Variants in ERG observed in about 807,000 individuals in gnomAD.
ERG encodes ETS transcription factor ERG, also known as transcriptional regulator ERG.
Under a neutral mutation model 55.3 loss-of-function variants are expected in ERG, and 9 were observed. That is an observed-to-expected ratio of 0.16 (90% CI 0.10 to 0.28). The LOEUF is 0.28. ERG is among the 10% of genes least tolerant of loss of function. The pLI, the probability that ERG is intolerant of heterozygous loss-of-function variation, is 1.00. For missense variants in ERG, 434 were observed against 631.6 expected, an observed-to-expected ratio of 0.69 and a Z score of 3.35; for synonymous variants, 223 against 237.3, an observed-to-expected ratio of 0.94 and a Z score of 0.55.
chr21:38,498,242 G>A lies in ERG; in HGVS notation c.18+121C>T, dbSNP rs994314818. On this transcript the variant is annotated intron_variant, in intron 1 of 9. Coordinates refer to ENST00000288319, the MANE Select transcript of ERG (RefSeq NM_182918.4). The surrounding 1 kb of genome is among the most constrained non-coding windows in gnomAD (Gnocchi z 4.6). ...TAGGCAGTGCAAAGGAAATCTTGTT[G>A]TCCTCTATTGTGGCAGTGGGGGTGT... The A allele has an allele frequency of 1.2e-6, 1 of 821,882 alleles. No homozygotes were observed. The highest frequency in any genetic ancestry group is 2.0e-6 in the Non-Finnish European group (1 of 489,198). 50.9% of individuals were successfully genotyped at this position (821,882 alleles called of 1,614,324 possible).
In ERG at chr21:38,382,577, C is replaced by T. The variant is rs1293484302; in HGVS notation, c.*826G>A. The T allele has an allele frequency of 9.4e-7, 1 of 1,065,976 alleles. No homozygotes were observed. The highest frequency in any genetic ancestry group is 1.1e-6 in the Non-Finnish European group (1 of 879,450). The allele number at this position is 1,065,976 out of a possible 1,614,324, so 66.0% of individuals were successfully genotyped here. A position where few individuals can be genotyped will look rare whatever the true frequency, so the allele number is the denominator to read the frequency against. ...TTTGGTATAACACTGACTGCATGAA[C>T]CCTCGAGTCTCCATAACTCATTGTA... On this transcript the variant is annotated 3_prime_UTR_variant, in exon 10 of 10. Coordinates refer to ENST00000288319, the MANE Select transcript of ERG (RefSeq NM_182918.4).
chr21:38,405,869 C>A (rs1275766198), intron 3 of ERG, among the ~76,000 whole-genome samples: 1 of 152,086 alleles, frequency 6.6e-6, no homozygotes, highest in Admixed American at 6.5e-5. Context: ...AATCAGTGCA[C>A]AGGCCAGGCG....
intron 1 of ERG, among the ~76,000 whole-genome samples, chr21:38,464,903 T>A (rs2059075063): frequency 6.6e-6 from 1 of 152,206 alleles, no homozygotes; most frequent in Non-Finnish European, 1.5e-5. Context: ...CTCATCCTTT[T>A]TTATGGCTGC....
intron 1 of ERG, among the ~76,000 whole-genome samples, chr21:38,489,134 C>G (rs1158798259): frequency 6.6e-6 from 1 of 152,198 alleles, no homozygotes. Flanking sequence ...TCTACAAACC[C>G]TTTATCCTCA....
intron 2 of ERG, among the ~76,000 whole-genome samples, chr21:38,517,993 G>T (rs2059564686): frequency 1.3e-5 from 2 of 152,180 alleles, no homozygotes. Context: ...TGGATAATGG[G>T]TACAAACATA....
At chr21:38,415,267 A>G (rs1989226694) in intron 3 of ERG, among the ~76,000 whole-genome samples, 1 of 152,214 alleles carries the variant, frequency 6.6e-6, no homozygotes, top group Admixed American at 6.5e-5. Context: ...ATGAGTACCT[A>G]CATCATAGGG....
At chr21:38,536,844 A>T (rs2146785535) in intron 2 of ERG, among the ~76,000 whole-genome samples, 1 of 152,342 alleles carries the variant, frequency 6.6e-6, no homozygotes, top group South Asian at 2.1e-4. Flanking sequence ...ACAGAAAAGA[A>T]CGTATCAATG....
chr21:38,564,415 T>G (rs1320682434), intron 2 of ERG, among the ~76,000 whole-genome samples: 1 of 152,010 alleles, frequency 6.6e-6, no homozygotes, highest in African/African-American at 2.4e-5. Context: ...ATCATAAAAA[T>G]TAATAGGTAG....
At chr21:38,378,360 A>G (rs1475076203), downstream of ERG, among the ~76,000 whole-genome samples, 1 of 152,202 alleles carries the variant, frequency 6.6e-6, no homozygotes, top group Non-Finnish European at 1.5e-5. Context: ...CTCCTGGACA[A>G]AGGCTGACCA....
chr21:38,593,220 G>A (rs951277244), intron 1 of ERG, among the ~76,000 whole-genome samples: 16 of 152,320 alleles, frequency 1.1e-4, no homozygotes, highest in South Asian at 1.0e-3. Context: ...CTGTAAAAAC[G>A]AGAGATCTGA....
chr21:38,509,376 A>G (rs919725484), intron 2 of ERG, among the ~76,000 whole-genome samples: 1 of 152,222 alleles, frequency 6.6e-6, no homozygotes, highest in Non-Finnish European at 1.5e-5. Context: ...AAAGAAGTGA[A>G]GCAGTATTCA....
intron 1 of ERG, chr21:38,450,928 C>A (rs144666819): frequency 6.6e-6 from 3 of 455,244 alleles, no homozygotes; most frequent in East Asian, 6.9e-5. Flanking sequence ...TCAGAAAGTG[C>A]GATTAGAGAA....
At chr21:38,475,104 G>A (rs2059175274) in intron 1 of ERG, among the ~76,000 whole-genome samples, 1 of 152,150 alleles carries the variant, frequency 6.6e-6, no homozygotes, top group Admixed American at 6.5e-5. Flanking sequence ...TGGTTCCAAA[G>A]CGCATGCCCA....
At chr21:38,528,146 CCTT>C (rs3838109) in intron 2 of ERG, among the ~76,000 whole-genome samples, 47,747 of 152,022 alleles carry the variant, frequency 0.31, 9,237 homozygotes, top group Non-Finnish European at 0.42. Context: ...GTTCACATGG[CCTT>C]CTCCTCATAT....
chr21:38,381,205 C>A lies in ERG; in HGVS notation c.*2198G>T. ...TCACATAATCATAGCAAAAGGACTGCAACGTGAAAAAAACAGGCCCTGAAA... is the reference window on the plus strand; with the variant it reads ...TCACATAATCATAGCAAAAGGACTGAAACGTGAAAAAAACAGGCCCTGAAA... On this transcript the variant is annotated 3_prime_UTR_variant, in exon 10 of 10. Coordinates refer to ENST00000288319, the MANE Select transcript of ERG (RefSeq NM_182918.4). 9.4e-7 allele frequency: 1 copy of A among 1,065,034 alleles called. No individual in the cohort carries two copies. Among genetic ancestry groups the A allele is most frequent in the Non-Finnish European group, 1.1e-6 (1 of 879,108 alleles). 66.0% of individuals were successfully genotyped at this position (1,065,034 alleles called of 1,614,324 possible). A position where few individuals can be genotyped will look rare whatever the true frequency, so the allele number is the denominator to read the frequency against.
At chr21:38,513,426 G>C (rs1243562242) in intron 2 of ERG, among the ~76,000 whole-genome samples, 1 of 152,184 alleles carries the variant, frequency 6.6e-6, no homozygotes, top group Non-Finnish European at 1.5e-5. Context: ...GAAACTAAAT[G>C]GGAGGTTATG....
intron 2 of ERG, among the ~76,000 whole-genome samples, chr21:38,545,461 T>A (rs1354852939): frequency 9.8e-5 from 15 of 152,336 alleles, no homozygotes; most frequent in African/African-American, 3.6e-4. Flanking sequence ...ACTGCCATGA[T>A]TTCCCAGCTT....
At chr21:38,558,062 G>A (rs1048772097) in intron 2 of ERG, among the ~76,000 whole-genome samples, 1 of 116,058 alleles carries the variant, frequency 8.6e-6, no homozygotes, top group East Asian at 3.1e-4. Context: ...TAAGTTTTGG[G>A]GGGGGGTCCT....
intron 2 of ERG, among the ~76,000 whole-genome samples, chr21:38,538,217 A>G (rs2059725887): frequency 1.3e-5 from 2 of 152,166 alleles, no homozygotes; most frequent in South Asian, 4.1e-4. Context: ...GTGTCAGTGT[A>G]AGAAAATGAA....
Sources: allele counts gnomAD v4.1 joint callset (sites outside exome capture counted in the v4.1 genomes callset), GRCh38; gene constraint gnomAD v4.1.1; non-coding constraint Gnocchi (gnomAD v3.1); transcripts MANE v1.5; gene names NCBI Gene and HGNC (gene_info 2026-07-23, HGNC 2026-07-21).